DNAH8: variants seen among roughly 807,000 people sequenced by gnomAD.
DNAH8 encodes the protein dynein axonemal heavy chain 8, also known as axonemal beta dynein heavy chain 8.
DNAH8 carries 382 observed loss-of-function variants against 562.1 expected under a neutral mutation model. That is an observed-to-expected ratio of 0.68 (90% CI 0.63 to 0.74). The LOEUF (loss-of-function observed/expected upper bound fraction) is 0.74, where lower values mean the gene tolerates loss of function less well. DNAH8 is among the 30% of genes least tolerant of loss of function. DNAH8 has a pLI of 0.00. For synonymous variants in DNAH8, 1,881 were observed against 1,919.4 expected (o/e 0.98, Z 0.52); for missense variants, 5,203 against 5,620.4 (o/e 0.93, Z 2.37).
chr6:38,896,668 A>G (rs1014900377), intron 60 of DNAH8, among the ~76,000 whole-genome samples: 1 of 152,146 alleles, frequency 6.6e-6, no homozygotes, highest in African/African-American at 2.4e-5. Flanking sequence ...ATAAATGTGA[A>G]ATAACTATCC....
intron 79 of DNAH8, among the ~76,000 whole-genome samples, chr6:38,945,004 CTAACCT>C (rs1161253243): frequency 1.4e-5 from 2 of 148,090 alleles, no homozygotes; most frequent in African/African-American, 2.5e-5. Flanking sequence ...AACCCTAACC[CTAACCT>C]TAACCCCAAC....
At chr6:38,811,188 C>T (rs1328140505) in intron 24 of DNAH8, among the ~76,000 whole-genome samples, 1 of 152,112 alleles carries the variant, frequency 6.6e-6, no homozygotes, top group Non-Finnish European at 1.5e-5. Flanking sequence ...GTTATTGCTT[C>T]TAGGATATTC....
intron 83 of DNAH8, among the ~76,000 whole-genome samples, chr6:38,973,036 A>G (rs1437071713): frequency 6.6e-6 from 1 of 152,248 alleles, no homozygotes; most frequent in Non-Finnish European, 1.5e-5. Flanking sequence ...TAAAATGTCT[A>G]GTAAAGAAAC....
Position 38,924,133 on chromosome 6 carries a change from C to T in DNAH8, c.10933C>T (p.Leu3645Phe), listed in dbSNP as rs1446285473. The change falls in exon 73 of 93, where the codon CTT (leucine) becomes TTT (phenylalanine). Residue 3645 changes from leucine (L) to phenylalanine (F), a missense_variant. Coordinates refer to ENST00000327475, the MANE Select transcript of DNAH8 (RefSeq NM_001206927.2). ...AATTCCTTTCACAGAAAACCTGAAT[C>T]TTATTTCAATGTTGGTGGATCCTCC... is the stretch of plus-strand genomic sequence containing the variant. ...RKIPFTENLN[L>F]ISMLVDPPTI... is the part of the protein sequence containing the mutation. 3.7e-6 allele frequency: 6 copies of T among 1,613,782 alleles called. No individual in the cohort carries two copies. The highest frequency in any genetic ancestry group is 5.1e-6 in the Non-Finnish European group (6 of 1,179,862).
Position 38,823,691 on chromosome 6 carries a change from A to AT in DNAH8, c.3847+7dup. On this transcript the variant is annotated splice_donor_region_variant and intron_variant, in intron 28 of 92. Coordinates refer to ENST00000327475, the MANE Select transcript of DNAH8 (RefSeq NM_001206927.2). ...AGGAGCACTTGAATTACATACAGGT[A>AT]TTTTAAAAATGTTTATTATGTAAAG... 2 of 1,584,442 alleles carry AT rather than the reference A, an allele frequency of 1.3e-6. No individual in the cohort carries two copies. The highest frequency in any genetic ancestry group is 1.7e-6 in the Non-Finnish European group (2 of 1,160,280).
At chr6:38,914,899 T>TA (rs750900259) in intron 67 of DNAH8, among the ~76,000 whole-genome samples, 4 of 152,196 alleles carry the variant, frequency 2.6e-5, no homozygotes, top group Non-Finnish European at 5.9e-5. Flanking sequence ...CTATGATACT[T>TA]ACTTGAATTG....
intron 35 of DNAH8, 117 bp downstream of exon 35, chr6:38,843,020 C>A: frequency 9.8e-7 from 1 of 1,021,180 alleles, no homozygotes; most frequent in Non-Finnish European, 1.4e-6. Flanking sequence ...TATAATGCAC[C>A]CTCAAAATTT....
intron 8 of DNAH8, among the ~76,000 whole-genome samples, chr6:38,742,253 T>A (rs895172814): frequency 2.0e-4 from 31 of 152,186 alleles, no homozygotes; most frequent in African/African-American, 7.0e-4. Context: ...CTACCTCCTT[T>A]CCTAGAGGTC....
chr6:38,826,297 T>G lies in DNAH8; in HGVS notation c.3989T>G (p.Ile1330Ser), dbSNP rs768733052. 6.2e-7 allele frequency: 1 copy of G among 1,613,410 alleles called. No individual in the cohort carries two copies. The highest frequency in any genetic ancestry group is 1.3e-5 in the African/African-American group (1 of 74,904). ...NEYLKKLSRP[I>S]RDLDDVRFAM... ...TACTTGAAAAAGTTATCTAGACCTA[T>G]TCGTGATTTAGATGATGTCAGATTT... Residue 1330 changes from isoleucine (I) to serine (S), a missense_variant, in exon 29 of 93, where the codon ATT becomes AGT. Physicochemically the swap from Ile to Ser is moderately radical, Grantham distance 142. This residue lies in a region of DNAH8 where 2,176 missense variants were observed against 2,365.1 expected (regional missense o/e 0.92). Transcript: ENST00000327475.
At chr6:38,832,171 T>C in intron 30 of DNAH8, 151 bp from the exon 31 acceptor site, 4 of 595,778 alleles carry the variant, frequency 6.7e-6, no homozygotes, top group Non-Finnish European at 1.2e-5. Context: ...TGTAGGTTCA[T>C]TTGGGTTATT....
intron 11 of DNAH8, among the ~76,000 whole-genome samples, chr6:38,768,430 G>A (rs544885612): frequency 8.6e-5 from 13 of 151,810 alleles, no homozygotes; most frequent in African/African-American, 2.7e-4. Context: ...ATCATGCTTG[G>A]GTAATTTTTT....
At chr6:38,747,260 A>G (rs1485877701) in intron 8 of DNAH8, among the ~76,000 whole-genome samples, 3 of 152,172 alleles carry the variant, frequency 2.0e-5, no homozygotes, top group East Asian at 3.8e-4. Context: ...GTTCAAGGTC[A>G]CAGAGTTAGT....
chr6:38,920,861 AT>A (rs1178407114), intron 70 of DNAH8, among the ~76,000 whole-genome samples: 2 of 152,106 alleles, frequency 1.3e-5, no homozygotes, highest in Admixed American at 1.3e-4. Flanking sequence ...ACATTGCTGC[AT>A]TTTCCATGTT....
At chr6:38,971,025 C>T (rs986856427) in intron 82 of DNAH8, among the ~76,000 whole-genome samples, 1 of 152,196 alleles carries the variant, frequency 6.6e-6, no homozygotes, top group African/African-American at 2.4e-5. Flanking sequence ...AGGTCTTAGA[C>T]AGTTGCCCCT....
At chr6:38,823,208 A>C (rs1728521432) in intron 27 of DNAH8, among the ~76,000 whole-genome samples, 174 bp downstream of exon 27, 1 of 152,198 alleles carries the variant, frequency 6.6e-6, no homozygotes, top group Non-Finnish European at 1.5e-5. Flanking sequence ...GGACACACTG[A>C]GGCAATTGAT....
intron 8 of DNAH8, among the ~76,000 whole-genome samples, chr6:38,747,753 T>C (rs140467320): frequency 7.2e-4 from 110 of 152,370 alleles, no homozygotes; most frequent in African/African-American, 2.6e-3. Flanking sequence ...TTTTCCAGAT[T>C]TGTCTTAACA....
chr6:38,749,660 G>T (rs1309944393), intron 8 of DNAH8, among the ~76,000 whole-genome samples: 2 of 152,114 alleles, frequency 1.3e-5, no homozygotes, highest in Non-Finnish European at 2.9e-5. Flanking sequence ...GTTGCTGTGT[G>T]TTCACTAGGC....
At position 38,775,776 on chromosome 6, in the gene DNAH8, T is replaced by G; in HGVS notation, c.1787T>G (p.Val596Gly). 1 of 1,596,716 alleles carries G rather than the reference T, an allele frequency of 6.3e-7. No homozygotes were observed. The highest frequency in any genetic ancestry group is 8.6e-7 in the Non-Finnish European group (1 of 1,165,780). Residue 596 changes from valine (V) to glycine (G), a missense_variant, in exon 13 of 93, where the codon GTG (valine) becomes GGG (glycine). This residue lies in a region of DNAH8 where 2,176 missense variants were observed against 2,365.1 expected (regional missense o/e 0.92). Transcript: ENST00000327475. Reference sequence around the variant, plus strand: ...AAGATTACAGAAATGATAACTGTTGTGCAAACATATTCAACCTTGAGTAAT... The same window carrying G: ...AAGATTACAGAAATGATAACTGTTGGGCAAACATATTCAACCTTGAGTAAT... ...LEKITEMITV[V>G]QTYSTLSNST... is the part of the protein sequence containing the mutation.
At chr6:39,024,128 C>T (rs1767120743) in intron 91 of DNAH8, among the ~76,000 whole-genome samples, 1 of 152,184 alleles carries the variant, frequency 6.6e-6, no homozygotes, top group South Asian at 2.1e-4. Flanking sequence ...TCCTCTGGCA[C>T]CTATGACATT....
Sources: gnomAD v4.1 joint callset for allele counts (sites outside exome capture counted in the v4.1 genomes callset) on GRCh38, gnomAD v4.1.1 for gene constraint, gnomAD v4.1.1 regional missense constraint, MANE v1.5 for transcripts, NCBI Gene and HGNC (gene_info 2026-07-23, HGNC 2026-07-21) for gene names.